GRAMD1B: variants seen among roughly 807,000 people sequenced by gnomAD.
The protein encoded by GRAMD1B is GRAM domain containing 1B.
In GRAMD1B, 37 loss-of-function variants were observed where a neutral mutation model predicts 99.7. That is an observed-to-expected ratio of 0.37 (90% CI 0.29 to 0.49). The LOEUF (loss-of-function observed/expected upper bound fraction) is 0.49, where lower values mean the gene tolerates loss of function less well. Ranked by LOEUF, GRAMD1B falls within the 20% of genes least tolerant of loss-of-function variation. GRAMD1B has a pLI of 0.98. For missense variants in GRAMD1B, 888 were observed against 1,009.2 expected (o/e 0.88, Z 1.63); for synonymous variants, 427 against 387.6 (o/e 1.10, Z -1.19).
intron 1 of GRAMD1B, among the ~76,000 whole-genome samples, chr11:123,409,914 C>A (rs893635925): frequency 6.6e-6 from 1 of 152,156 alleles, no homozygotes; most frequent in Non-Finnish European, 1.5e-5. Context: ...CCTTTAGTGG[C>A]GAACAATAGT....
At chr11:123,561,727 G>A (rs1489748526) in intron 2 of GRAMD1B, among the ~76,000 whole-genome samples, 1 of 152,208 alleles carries the variant, frequency 6.6e-6, no homozygotes, top group Admixed American at 6.5e-5. Flanking sequence ...TCTACCTCCT[G>A]CCTCTCCTCC....
chr11:123,414,273 G>A (rs147385158), intron 1 of GRAMD1B, among the ~76,000 whole-genome samples: 4,049 of 152,250 alleles, frequency 0.027, 116 homozygotes, highest in African/African-American at 0.067. Flanking sequence ...TTGAACTCCT[G>A]ACCTCAGGTG....
intron 1 of GRAMD1B, among the ~76,000 whole-genome samples, chr11:123,437,065 C>T (rs1239892434): frequency 3.3e-5 from 5 of 152,124 alleles, no homozygotes; most frequent in Non-Finnish European, 7.4e-5. Context: ...CATCCGTGTC[C>T]CTACAAAGGA....
chr11:123,601,434 A>G (rs1035745904), intron 8 of GRAMD1B, among the ~76,000 whole-genome samples: 2 of 151,910 alleles, frequency 1.3e-5, no homozygotes, highest in African/African-American at 4.8e-5. Context: ...ATGTTGAGAA[A>G]CTGTCTCCAA....
chr11:123,406,119 A>G (rs532540420), intron 1 of GRAMD1B, among the ~76,000 whole-genome samples: 78 of 150,464 alleles, frequency 5.2e-4, no homozygotes, highest in African/African-American at 1.9e-3. Context: ...GGTTCAAATG[A>G]TTTCTGGCTA....
intron 2 of GRAMD1B, among the ~76,000 whole-genome samples, chr11:123,505,182 G>A (rs568971442): frequency 7.9e-6 from 1 of 126,144 alleles, no homozygotes; most frequent in East Asian, 2.3e-4. Context: ...CTCTTTCAAT[G>A]TCTTTAAAAA....
Position 123,511,722 on chromosome 11 carries a change from A to G in GRAMD1B, c.452+30829A>G, listed in dbSNP as rs542762492. ...CTCAGACTTCTGGAGCAGGTTGGGT[A>G]TCCTGTGTTGTGTATGGAGGAGAGA... is the stretch of plus-strand genomic sequence containing the variant. On this transcript the variant is annotated intron_variant, in intron 2 of 19. Transcript: ENST00000635736. Among the ~76,000 whole-genome samples the G allele has an allele frequency of 1.8e-3, 279 of 152,248 alleles. 2 individuals are homozygous for G. The highest frequency in any genetic ancestry group is 5.8e-3 in the African/African-American group (241 of 41,550).
intron 2 of GRAMD1B, among the ~76,000 whole-genome samples, chr11:123,516,060 C>A (rs1210933919): frequency 6.6e-6 from 1 of 152,230 alleles, no homozygotes; most frequent in Non-Finnish European, 1.5e-5. Flanking sequence ...TGAGCCCCCG[C>A]ACCCAGCCAA....
At chr11:123,487,223 G>T (rs1937922480) in intron 2 of GRAMD1B, among the ~76,000 whole-genome samples, 1 of 152,186 alleles carries the variant, frequency 6.6e-6, no homozygotes. Context: ...CCAAGGCTCG[G>T]GGAATTAAAC....
intron 1 of GRAMD1B, among the ~76,000 whole-genome samples, chr11:123,408,115 G>T (rs1324687827): frequency 6.6e-6 from 1 of 152,208 alleles, no homozygotes; most frequent in African/African-American, 2.4e-5. Context: ...GTGTGGGGCT[G>T]ACTGTGTAGC....
chr11:123,440,325 AC>A (rs1949348282), intron 1 of GRAMD1B, among the ~76,000 whole-genome samples: 1 of 152,200 alleles, frequency 6.6e-6, no homozygotes, highest in Non-Finnish European at 1.5e-5. Context: ...AGCCTGGCCA[AC>A]ATGGTGAAAC....
At chr11:123,431,690 C>T (rs936353623) in intron 1 of GRAMD1B, among the ~76,000 whole-genome samples, 1 of 152,216 alleles carries the variant, frequency 6.6e-6, no homozygotes, top group Non-Finnish European at 1.5e-5. Context: ...TTAACTGGCT[C>T]ACTTGTGTGG....
intron 12 of GRAMD1B, 107 bp from the exon 13 acceptor site, chr11:123,609,687 GC>G (rs1953269843): frequency 1.5e-6 from 1 of 660,920 alleles, no homozygotes. Context: ...CCTTTTGGGG[GC>G]CAGGCAGTAG....
At chr11:123,367,891 C>T (rs1378407956) in intron 1 of GRAMD1B, among the ~76,000 whole-genome samples, 1 of 151,928 alleles carries the variant, frequency 6.6e-6, no homozygotes, top group Non-Finnish European at 1.5e-5. Context: ...AAGTATCATC[C>T]AGATCTGAGA....
chr11:123,503,178 A>G (rs1940064343), intron 2 of GRAMD1B, among the ~76,000 whole-genome samples: 1 of 152,260 alleles, frequency 6.6e-6, no homozygotes, highest in African/African-American at 2.4e-5. Flanking sequence ...ACAAGGGTAC[A>G]GGCATAGGAG....
At chr11:123,460,071 T>A (rs1327502871) in intron 1 of GRAMD1B, 1 of 136,062 alleles carries the variant, frequency 7.3e-6, no homozygotes, top group African/African-American at 3.1e-5. Flanking sequence ...TGGACATACG[T>A]GTGTGTGTGT....
At chr11:123,509,094 A>AGTAAATAAG (rs1940725654) in intron 2 of GRAMD1B, among the ~76,000 whole-genome samples, 1 of 152,132 alleles carries the variant, frequency 6.6e-6, no homozygotes, top group South Asian at 2.1e-4. Flanking sequence ...GAAAGGAAGG[A>AGTAAATAAG]GTAAATAAGG....
chr11:123,445,834 A>G (rs910820318), intron 1 of GRAMD1B, among the ~76,000 whole-genome samples: 2 of 151,214 alleles, frequency 1.3e-5, no homozygotes, highest in Non-Finnish European at 2.9e-5. Flanking sequence ...AAAAAAAAAA[A>G]AAAACAAGAC....
chr11:123,608,333 T>G, intron 11 of GRAMD1B: 1 of 640,968 alleles, frequency 1.6e-6, no homozygotes, highest in Non-Finnish European at 2.6e-6. Flanking sequence ...CCAGAAGTAG[T>G]CATTTATTTG....
Sources: allele counts gnomAD v4.1 joint callset (sites outside exome capture counted in the v4.1 genomes callset), GRCh38; gene constraint gnomAD v4.1.1; transcripts MANE v1.5; gene names NCBI Gene and HGNC (gene_info 2026-07-23, HGNC 2026-07-21).